The following MYLK variants were observed in gnomAD, a reference collection of about 807,000 sequenced individuals.
MYLK encodes the protein myosin light chain kinase, smooth muscle.
Under a neutral mutation model 203.4 loss-of-function variants are expected in MYLK, and 106 were observed. The ratio of observed to expected loss-of-function variants is 0.52; its 90% CI spans 0.45 to 0.61. The LOEUF (loss-of-function observed/expected upper bound fraction) is 0.61, where lower values mean the gene tolerates loss of function less well. Among genes scored for constraint, MYLK ranks in the 20% least tolerant of loss-of-function variants. MYLK has a pLI of 0.00. For missense variants in MYLK, 2,072 were observed against 2,442.3 expected, an observed-to-expected ratio of 0.85 and a Z score of 3.20; for synonymous variants, 867 against 959.5, an observed-to-expected ratio of 0.90 and a Z score of 1.78.
intron 2 of MYLK, among the ~76,000 whole-genome samples, chr3:123,845,141 TC>T (rs2066683741): frequency 6.6e-6 from 1 of 152,180 alleles, no homozygotes; most frequent in Admixed American, 6.5e-5. Context: ...TCCTTTTTGC[TC>T]ACTGAGTTCC....
At chr3:123,792,242 T>C (rs2064809129) in intron 4 of MYLK, among the ~76,000 whole-genome samples, 1 of 152,250 alleles carries the variant, frequency 6.6e-6, no homozygotes, top group African/African-American at 2.4e-5. Context: ...AGAAGCAGTA[T>C]GGTAGGAGAC....
chr3:123,744,078 C>T (rs1051638785), intron 5 of MYLK, among the ~76,000 whole-genome samples: 14 of 5,824 alleles, frequency 2.4e-3, no homozygotes, highest in Non-Finnish European at 0.011. Context: ...TTTTATAACA[C>T]GTATTAACTG....
chr3:123,622,214 C>T (rs988448519), intron 31 of MYLK: 1 of 152,262 alleles, frequency 6.6e-6, no homozygotes, highest in Non-Finnish European at 1.5e-5. Flanking sequence ...TTATCCAACA[C>T]AGATTGGTTT....
At chr3:123,641,010 TAGTTG>T (rs2058814295) in intron 27 of MYLK, among the ~76,000 whole-genome samples, 2 of 152,182 alleles carry the variant, frequency 1.3e-5, no homozygotes, top group African/African-American at 4.8e-5. Context: ...TTTCTAAAAT[TAGTTG>T]GCTGTAACTC....
At chr3:123,778,416 G>C (rs2064157615) in intron 4 of MYLK, among the ~76,000 whole-genome samples, 1 of 151,496 alleles carries the variant, frequency 6.6e-6, no homozygotes, top group Admixed American at 6.6e-5. Flanking sequence ...AGGAGGCTGA[G>C]GCAGGAGAAT....
chr3:123,720,021 G>A (rs1346145157), intron 13 of MYLK, among the ~76,000 whole-genome samples: 15 of 152,220 alleles, frequency 9.9e-5, no homozygotes, highest in Admixed American at 2.6e-4. Context: ...AAATGCTGCC[G>A]GGCCTGAGCG....
intron 4 of MYLK, among the ~76,000 whole-genome samples, chr3:123,769,351 T>A (rs1393814353): frequency 2.0e-5 from 3 of 152,206 alleles, no homozygotes; most frequent in Admixed American, 2.0e-4. Flanking sequence ...CAATCTGAGG[T>A]GACAGCCCTT....
At chr3:123,725,414 G>C (rs2108754704) in intron 12 of MYLK, among the ~76,000 whole-genome samples, 1 of 152,270 alleles carries the variant, frequency 6.6e-6, no homozygotes, top group African/African-American at 2.4e-5. Flanking sequence ...ACAAAAAAAA[G>C]AGTTGGCGAG....
chr3:123,639,122 C>T (rs879447764), intron 28 of MYLK: 1 of 937,218 alleles, frequency 1.1e-6, no homozygotes, highest in Non-Finnish European at 1.3e-6. Flanking sequence ...CTGACACTGC[C>T]GACTCCTGAG....
intron 13 of MYLK, among the ~76,000 whole-genome samples, chr3:123,712,766 G>A (rs528668463): frequency 2.6e-4 from 39 of 152,216 alleles, no homozygotes; most frequent in Non-Finnish European, 5.3e-4. Flanking sequence ...CGGTCTCTAC[G>A]GGGAGTCGTG....
intron 13 of MYLK, among the ~76,000 whole-genome samples, chr3:123,718,011 G>A (rs1560124378): frequency 6.6e-6 from 1 of 152,090 alleles, no homozygotes; most frequent in Non-Finnish European, 1.5e-5. Flanking sequence ...AGAGGCATGG[G>A]CCACCACTCC....
At chr3:123,833,548 T>C (rs1002223335) in intron 2 of MYLK, among the ~76,000 whole-genome samples, 1 of 152,078 alleles carries the variant, frequency 6.6e-6, no homozygotes, top group Non-Finnish European at 1.5e-5. Context: ...GGGAGGCCCC[T>C]GGGTGCTCTG....
At chr3:123,735,001 C>T (rs754334082) in intron 9 of MYLK, 8 of 328,974 alleles carry the variant, frequency 2.4e-5, no homozygotes, top group Middle Eastern at 1.1e-3. Flanking sequence ...CACCCCTGCA[C>T]ATCCAGCATC....
chr3:123,628,617 T>C (rs2058269288), intron 30 of MYLK, among the ~76,000 whole-genome samples: 1 of 152,148 alleles, frequency 6.6e-6, no homozygotes, highest in Non-Finnish European at 1.5e-5. Context: ...CACTGCTCCC[T>C]TTCCCTGGGC....
At chr3:123,667,083 A>C in intron 21 of MYLK, 54 bp downstream of exon 21, 1 of 1,570,056 alleles carries the variant, frequency 6.4e-7, no homozygotes, top group Non-Finnish European at 8.8e-7. Context: ...GGTAAAGGCA[A>C]AACCCCCATG....
chr3:123,869,667 C>T (rs1009335375), intron 2 of MYLK, among the ~76,000 whole-genome samples: 1 of 152,208 alleles, frequency 6.6e-6, no homozygotes, highest in African/African-American at 2.4e-5. Context: ...ACTCTGCTCA[C>T]CTCTGTCAGC....
intron 3 of MYLK, among the ~76,000 whole-genome samples, chr3:123,829,544 C>CTA (rs1019269144): frequency 6.6e-5 from 10 of 152,102 alleles, no homozygotes; most frequent in Admixed American, 2.0e-4. Flanking sequence ...GGTAGGATGA[C>CTA]TATAGTTAAC....
At chr3:123,754,352 A>T (rs1236544429) in intron 4 of MYLK, among the ~76,000 whole-genome samples, 5 of 152,234 alleles carry the variant, frequency 3.3e-5, no homozygotes, top group Non-Finnish European at 5.9e-5. Context: ...AGCTTCAGTG[A>T]AAAAGAAACA....
intron 10 of MYLK, 25 bp from the exon 11 acceptor site, chr3:123,733,127 A>G: frequency 1.9e-6 from 3 of 1,608,336 alleles, no homozygotes; most frequent in Middle Eastern, 1.7e-4. Context: ...AAAGAACGTG[A>G]GCTCCCTATG....
Sources: allele counts gnomAD v4.1 joint callset (sites outside exome capture counted in the v4.1 genomes callset), GRCh38; gene constraint gnomAD v4.1.1; transcripts MANE v1.5; gene names NCBI Gene and HGNC (gene_info 2026-07-23, HGNC 2026-07-21).